Variants in DMBT1 observed in about 807,000 individuals in gnomAD.
DMBT1 encodes the protein scavenger receptor cysteine-rich domain-containing protein DMBT1.
Under a neutral mutation model 252.9 loss-of-function variants are expected in DMBT1, and 198 were observed. That is an observed-to-expected ratio of 0.78 (90% CI 0.70 to 0.88). DMBT1 has a LOEUF of 0.88. Among genes scored for constraint, DMBT1 ranks in the 40% least tolerant of loss-of-function variants. The pLI is 0.00. For missense variants in DMBT1, 2,432 were observed against 2,404.7 expected (o/e 1.01, Z -0.24); for synonymous variants, 990 against 942.7 (o/e 1.05, Z -0.92).
intron 44 of DMBT1, among the ~76,000 whole-genome samples, chr10:122,624,513 T>G (rs1217451320): frequency 6.6e-6 from 1 of 152,168 alleles, no homozygotes; most frequent in Non-Finnish European, 1.5e-5. Flanking sequence ...AGGAGAGAGT[T>G]AATTTTCCTG....
chr10:122,573,615 C>T (rs2097685800), intron 5 of DMBT1, 100 bp from the exon 6 acceptor site: 1 of 1,428,960 alleles, frequency 7.0e-7, no homozygotes. Context: ...CCCTTAGGAC[C>T]TGTGCTTCCA....
chr10:122,568,118 G>A (rs545639043), intron 2 of DMBT1, among the ~76,000 whole-genome samples: 206 of 152,264 alleles, frequency 1.4e-3, no homozygotes, highest in Non-Finnish European at 2.7e-3. Context: ...GGAACGACAC[G>A]GAAGGAATGA....
intron 16 of DMBT1, among the ~76,000 whole-genome samples, chr10:122,588,370 G>A (rs1011923216): frequency 1.4e-5 from 2 of 147,146 alleles, no homozygotes; most frequent in African/African-American, 4.9e-5. Context: ...TCTCCCTTGG[G>A]ATCCTCTTCC....
In DMBT1 at chr10:122,636,150, G is replaced by C. The variant is rs1214426823; in HGVS notation, c.6708G>C (p.Arg2236Ser). The change falls in exon 53 of 56, where the codon AGG (arginine) becomes AGC (serine). Residue 2236 changes from arginine (R) to serine (S), a missense_variant. Around this residue, in one of 3 missense-constraint regions of DMBT1, gnomAD observed 1,162 missense variants for 1,169.0 expected, o/e 0.99. Transcript: ENST00000338354. ...TCATCAGTGACCACAGCATCACAAG[G>C]AGAGGGTTCCGGGCTGAGTACTACT... Reference protein sequence around the residue: ...IRFISDHSITRRGFRAEYYSS... With the variant: ...IRFISDHSITSRGFRAEYYSS... The C allele has an allele frequency of 1.1e-5, 17 of 1,613,824 alleles. No homozygotes were observed. Among genetic ancestry groups the C allele is most frequent in the Non-Finnish European group, 1.4e-5 (16 of 1,179,892 alleles).
At chr10:122,630,524 G>A (rs1262179982) in intron 48 of DMBT1, 34 bp downstream of exon 48, 4 of 1,603,616 alleles carry the variant, frequency 2.5e-6, no homozygotes, top group Non-Finnish European at 3.4e-6. Context: ...TATGAGGCTT[G>A]GTGGATTTAC....
chr10:122,587,701 C>T (rs113987601), intron 16 of DMBT1, among the ~76,000 whole-genome samples: 10,044 of 148,314 alleles, frequency 0.068, 1,250 homozygotes, highest in South Asian at 0.16. Flanking sequence ...AGGCAGAGGC[C>T]GTGCTCAGGC....
At chr10:122,632,750 C>G (rs2098176003) in intron 50 of DMBT1, 111 bp from the exon 51 acceptor site, 1 of 1,415,308 alleles carries the variant, frequency 7.1e-7, no homozygotes, top group Non-Finnish European at 9.8e-7. Flanking sequence ...CTGTGTCCAG[C>G]TCCTCCCTGT....
chr10:122,588,973 G>A lies in DMBT1; in HGVS notation c.1813G>A (p.Val605Met). The A allele has an allele frequency of 6.3e-7, 1 of 1,588,358 alleles. No homozygotes were observed. The highest frequency in any genetic ancestry group is 8.6e-7 in the Non-Finnish European group (1 of 1,165,818). Residue 605 changes from valine (V) to methionine (M), a missense_variant, in exon 17 of 56, where the codon GTG (valine) becomes ATG (methionine). Coordinates refer to ENST00000338354, the MANE Select transcript of DMBT1 (RefSeq NM_001377530.1). The stretch of plus-strand genomic sequence containing the variant: ...TGAATCCAGTTTGGCCCTGAGGCTG[G>A]TGAATGGAGGTGACAGGTGTCAGGG... The part of the protein sequence containing the change: ...GPESSLALRL[V>M]NGGDRCQGRV...
chr10:122,578,162 T>C (rs2133548544), intron 8 of DMBT1, among the ~76,000 whole-genome samples: 1 of 152,322 alleles, frequency 6.6e-6, no homozygotes, highest in Non-Finnish European at 1.5e-5. Flanking sequence ...TTTCTGAGAA[T>C]TGAGGGTGAG....
At chr10:122,580,392 C>T (rs1387738793) in intron 10 of DMBT1, among the ~76,000 whole-genome samples, 37 of 152,128 alleles carry the variant, frequency 2.4e-4, no homozygotes, top group Middle Eastern at 3.4e-3. Flanking sequence ...GCCTGGGTTG[C>T]GTGGGGTTGG....
Position 122,618,313 on chromosome 10 carries a change from C to T in DMBT1, c.5188C>T (p.His1730Tyr), listed in dbSNP as rs566212962. 2 of 1,613,836 alleles carry T rather than the reference C, an allele frequency of 1.2e-6. No individual in the cohort carries two copies. Among genetic ancestry groups the T allele is most frequent in the South Asian group, 1.1e-5 (1 of 91,074 alleles). The change falls in exon 41 of 56, where the codon CAT (histidine) becomes TAT (tyrosine). Residue 1730 changes from histidine (H) to tyrosine (Y), a missense_variant. His to Tyr is a moderately conservative substitution (Grantham distance 83, BLOSUM62 2). This residue lies in a region of DMBT1 where 1,162 missense variants were observed against 1,169.0 expected (regional missense o/e 0.99). Coordinates refer to ENST00000338354, the MANE Select transcript of DMBT1 (RefSeq NM_001377530.1). ...CTGGCTCTCCCACAACTGTGGCCAT[C>T]ATGAAGATGCTGGTGTCATCTGCTC... is the stretch of plus-strand genomic sequence containing the variant. ...NGWLSHNCGH[H>Y]EDAGVICSAA...
chr10:122,643,108 C>T lies in DMBT1; in HGVS notation c.7353-14C>T. ...GGCCTTGGTGAGAGCTAAGGGGCTA[C>T]TGTTCTCTTCCAGATGCGTGAGGGA... On this transcript the variant is annotated splice_polypyrimidine_tract_variant and intron_variant, in intron 55 of 55. Coordinates refer to ENST00000338354, the MANE Select transcript of DMBT1 (RefSeq NM_001377530.1). 6.2e-7 allele frequency: 1 copy of T among 1,611,834 alleles called. No individual in the cohort carries two copies. Among genetic ancestry groups the T allele is most frequent in the Non-Finnish European group, 8.5e-7 (1 of 1,178,210 alleles).
At chr10:122,563,117 G>A (rs993140884) in intron 1 of DMBT1, among the ~76,000 whole-genome samples, 1 of 152,206 alleles carries the variant, frequency 6.6e-6, no homozygotes, top group Non-Finnish European at 1.5e-5. Flanking sequence ...TGTCAGCTCT[G>A]GTCTTCATGC....
intron 2 of DMBT1, among the ~76,000 whole-genome samples, chr10:122,569,866 T>C (rs1292944779): frequency 6.6e-6 from 1 of 152,158 alleles, no homozygotes; most frequent in East Asian, 1.9e-4. Flanking sequence ...GTCATTGACA[T>C]TGGATCTTGT....
rs538461020 is a variant in DMBT1, at chr10:122,635,538, G to T, written c.6549-453G>T. Among the ~76,000 whole-genome samples the T allele has an allele frequency of 8.2e-4, 125 of 152,154 alleles. 1 individual carries two copies. Among genetic ancestry groups the T allele is most frequent in the African/African-American group, 2.9e-3 (121 of 41,526 alleles). On this transcript the variant is annotated intron_variant, in intron 52 of 55. Coordinates refer to ENST00000338354, the MANE Select transcript of DMBT1 (RefSeq NM_001377530.1). ...TTAAGGATACCTATGACTTTCTTTTGTTTCAATTTTTATTTTTCTTTTTAT... is the reference window on the plus strand; with the variant it reads ...TTAAGGATACCTATGACTTTCTTTTTTTTCAATTTTTATTTTTCTTTTTAT...
intron 44 of DMBT1, among the ~76,000 whole-genome samples, chr10:122,621,993 G>A (rs530624303): frequency 2.0e-4 from 31 of 152,320 alleles, no homozygotes; most frequent in African/African-American, 4.8e-4. Flanking sequence ...TTGTTATTAC[G>A]TGTGGTTTGG....
Position 122,630,000 on chromosome 10 carries a change from A to G in DMBT1, c.5822+7A>G. ...TGGGCTTCAGTAATCTGAAGTAAGT[A>G]ATGCCTGGTCATCTGGTGAGGGGTG... On this transcript the variant is annotated splice_region_variant and intron_variant, in intron 47 of 55. Transcript: ENST00000338354. The G allele has an allele frequency of 1.2e-6, 2 of 1,613,934 alleles. No individual in the cohort carries two copies. Among genetic ancestry groups the G allele is most frequent in the South Asian group, 2.2e-5 (2 of 91,062 alleles).
At chr10:122,564,703 G>C (rs371718279) in intron 1 of DMBT1, among the ~76,000 whole-genome samples, 11 of 151,628 alleles carry the variant, frequency 7.3e-5, no homozygotes, top group African/African-American at 2.7e-4. Flanking sequence ...AATCCCTATC[G>C]AAGTGTGTAA....
Position 122,593,610 on chromosome 10 carries a change from G to C in DMBT1, c.2530+12G>C. On this transcript the variant is annotated intron_variant, in intron 21 of 55. Transcript: ENST00000338354. The stretch of plus-strand genomic sequence containing the variant: ...GACACCCAGTCCAGGTAGGTCCCCA[G>C]TGTCCTTCCTCAAAATGTCCCTTCT... 2 of 1,586,100 alleles carry C rather than the reference G, an allele frequency of 1.3e-6. No individual in the cohort carries two copies. The highest frequency in any genetic ancestry group is 2.3e-5 in the South Asian group (2 of 87,474).
Sources: allele counts gnomAD v4.1 joint callset (sites outside exome capture counted in the v4.1 genomes callset), GRCh38; gene constraint gnomAD v4.1.1; regional missense constraint gnomAD v4.1.1; transcripts MANE v1.5; gene names NCBI Gene and HGNC (gene_info 2026-07-23, HGNC 2026-07-21).